Variants in GXYLT1 observed in about 807,000 individuals in gnomAD.
The protein encoded by GXYLT1 is glycosyltransferase 8 domain containing 3.
A neutral mutation model predicts 54.0 loss-of-function variants in GXYLT1; 29 were observed. That is an observed-to-expected ratio of 0.54 (90% CI 0.40 to 0.73). The LOEUF is 0.73. Ranked by LOEUF, GXYLT1 falls within the 30% of genes least tolerant of loss-of-function variation. The pLI is 0.00. For missense variants in GXYLT1, 490 were observed against 553.4 expected (o/e 0.89, Z 1.15); for synonymous variants, 176 against 204.1 (o/e 0.86, Z 1.17).
Position 42,144,578 on chromosome 12 carries a change from G to C in GXYLT1, c.69C>G (p.Phe23Leu), listed in dbSNP as rs1046838152. The C allele has an allele frequency of 4.1e-6, 6 of 1,473,002 alleles. No homozygotes were observed. The highest frequency in any genetic ancestry group is 5.4e-6 in the Non-Finnish European group (6 of 1,110,690). The allele number at this position is 1,473,002 out of a possible 1,614,324, so 91.2% of individuals were successfully genotyped here. A position where few individuals can be genotyped will look rare whatever the true frequency, so the allele number is the denominator to read the frequency against. ...CTTCCAGGGACACGGCGAGCTGGCTGAAAGCGTAAAGGAGCGAGCAGAAGC... is the reference window on the plus strand; with the variant it reads ...CTTCCAGGGACACGGCGAGCTGGCTCAAAGCGTAAAGGAGCGAGCAGAAGC... ...ACGFCSLLYA[F>L]SQLAVSLEEG... The change falls in exon 1 of 8, where the codon TTC becomes TTG. Residue 23 changes from phenylalanine (F) to leucine (L), a missense_variant. Physicochemically the swap from Phe to Leu is conservative, Grantham distance 22. This residue lies in a region of GXYLT1 where 148 missense variants were observed against 210.7 expected (regional missense o/e 0.70). Coordinates refer to ENST00000398675, the MANE Select transcript of GXYLT1 (RefSeq NM_173601.2).
chr12:42,114,042 T>C (rs2065476570), intron 3 of GXYLT1, among the ~76,000 whole-genome samples: 2 of 152,064 alleles, frequency 1.3e-5, no homozygotes, highest in Non-Finnish European at 2.9e-5. Flanking sequence ...AGGTAAATAA[T>C]GAAATGAAGG....
intron 5 of GXYLT1, among the ~76,000 whole-genome samples, chr12:42,099,570 A>G (rs1409077874): frequency 1.3e-5 from 2 of 152,152 alleles, no homozygotes; most frequent in Non-Finnish European, 2.9e-5. Context: ...AATAGTTATG[A>G]TGTCAGGCAC....
At chr12:42,141,528 A>C (rs1188673658) in intron 1 of GXYLT1, among the ~76,000 whole-genome samples, 1 of 151,856 alleles carries the variant, frequency 6.6e-6, no homozygotes, top group East Asian at 1.9e-4. Context: ...AAGACAGTAG[A>C]TCTTTAGTGC....
chr12:42,126,008 C>A (rs1282860257), intron 2 of GXYLT1, among the ~76,000 whole-genome samples: 2 of 151,202 alleles, frequency 1.3e-5, no homozygotes, highest in Non-Finnish European at 2.9e-5. Flanking sequence ...GCCTGGGCGA[C>A]AAAGTGAGAC....
rs527257588 is a variant in GXYLT1, at chr12:42,100,056, G to C, written c.865-2023C>G. ...TGCTTTTTCAGATACTGAATGTAAT[G>C]CTTTTTTCTTAATGCTCAAAACTTG... On this transcript the variant is annotated intron_variant, in intron 5 of 7. Coordinates refer to ENST00000398675, the MANE Select transcript of GXYLT1 (RefSeq NM_173601.2). 4.3e-4 allele frequency among the ~76,000 whole-genome samples: 65 copies of C among 152,174 alleles called. No homozygotes were observed. In the South Asian group the frequency reaches 8.1e-3, roughly 19 times the overall value.
intron 3 of GXYLT1, among the ~76,000 whole-genome samples, chr12:42,115,112 G>T (rs1211455739): frequency 6.6e-6 from 1 of 152,118 alleles, no homozygotes; most frequent in East Asian, 1.9e-4. Flanking sequence ...AATAAATTAG[G>T]TATTGATGGG....
intron 5 of GXYLT1, among the ~76,000 whole-genome samples, chr12:42,101,128 T>C (rs2065387392): frequency 1.3e-5 from 2 of 152,212 alleles, no homozygotes; most frequent in Admixed American, 1.3e-4. Flanking sequence ...GCTAATGATA[T>C]AACCTAGATT....
At chr12:42,102,943 ATTTT>A (rs1237519943) in intron 5 of GXYLT1, among the ~76,000 whole-genome samples, 1 of 151,850 alleles carries the variant, frequency 6.6e-6, no homozygotes, top group Non-Finnish European at 1.5e-5. Context: ...TTGAATTTAA[ATTTT>A]TTAATTTTTT....
intron 2 of GXYLT1, among the ~76,000 whole-genome samples, chr12:42,122,279 T>C (rs537490881): frequency 2.0e-4 from 30 of 152,268 alleles, no homozygotes; most frequent in African/African-American, 6.7e-4. Context: ...TAATGAATGA[T>C]AGTGTATTAA....
rs1243032235 is a variant in GXYLT1 at position 42,097,793 on chromosome 12, A to C, written c.988+117T>G. The C allele has an allele frequency of 4.9e-6, 5 of 1,016,076 alleles. No homozygotes were observed. The African/African-American group carries it at 8.2e-5, about 17-fold the overall frequency. The allele number at this position is 1,016,076 out of a possible 1,614,324, so 62.9% of individuals were successfully genotyped here. ...CAAGAAAAGTTTTACTCCGTCTTAA[A>C]CATAAATAGCAATAATCATTAATAT... On this transcript the variant is annotated intron_variant, in intron 6 of 7. Transcript: ENST00000398675.
chr12:42,110,169 C>T (rs1314333106), intron 3 of GXYLT1, among the ~76,000 whole-genome samples: 1 of 152,174 alleles, frequency 6.6e-6, no homozygotes, highest in Non-Finnish European at 1.5e-5. Flanking sequence ...CTAAATATTT[C>T]TGAGAATATT....
At chr12:42,119,485 A>T (rs554529258) in intron 2 of GXYLT1, among the ~76,000 whole-genome samples, 10 of 152,232 alleles carry the variant, frequency 6.6e-5, no homozygotes, top group African/African-American at 2.4e-4. Flanking sequence ...GGAAGGAAAA[A>T]AAAAAGAAAG....
At chr12:42,122,772 T>A (rs117984700) in intron 2 of GXYLT1, among the ~76,000 whole-genome samples, 127 of 152,242 alleles carry the variant, frequency 8.3e-4, no homozygotes, top group South Asian at 4.4e-3. Flanking sequence ...AAATAATCAG[T>A]GGATGCTAAA....
chr12:42,132,778 T>C (rs897807382), intron 1 of GXYLT1, among the ~76,000 whole-genome samples: 1 of 151,874 alleles, frequency 6.6e-6, no homozygotes, highest in Admixed American at 6.6e-5. Flanking sequence ...GCAATGTTTT[T>C]GTTTTGTTTT....
At chr12:42,128,253 G>A (rs1309571135) in intron 2 of GXYLT1, among the ~76,000 whole-genome samples, 2 of 152,188 alleles carry the variant, frequency 1.3e-5, no homozygotes, top group South Asian at 4.1e-4. Flanking sequence ...GGTTTTAAAT[G>A]TGCCCATTAC....
chr12:42,107,784 C>T (rs1004198886), intron 4 of GXYLT1, among the ~76,000 whole-genome samples: 2 of 152,108 alleles, frequency 1.3e-5, no homozygotes, highest in Non-Finnish European at 2.9e-5. Context: ...TTTTTAATAG[C>T]AACATTCTAC....
At chr12:42,116,318 G>C (rs1407712221) in intron 3 of GXYLT1, among the ~76,000 whole-genome samples, 1 of 152,108 alleles carries the variant, frequency 6.6e-6, no homozygotes, top group African/African-American at 2.4e-5. Flanking sequence ...CACAGCAAAA[G>C]AAACTACCAT....
intron 1 of GXYLT1, among the ~76,000 whole-genome samples, chr12:42,130,942 ACT>A (rs1404968933): frequency 2.0e-5 from 3 of 151,854 alleles, no homozygotes; most frequent in African/African-American, 7.3e-5. Flanking sequence ...AGCAAAAGAG[ACT>A]CTGTCTCAAA....
At chr12:42,141,232 A>C (rs1482701960) in intron 1 of GXYLT1, among the ~76,000 whole-genome samples, 2 of 152,168 alleles carry the variant, frequency 1.3e-5, no homozygotes, top group African/African-American at 4.8e-5. Context: ...TTTGTATTTG[A>C]GATTAGAGAA....
Sources: allele counts gnomAD v4.1 joint callset (sites outside exome capture counted in the v4.1 genomes callset), GRCh38; gene constraint gnomAD v4.1.1; regional missense constraint gnomAD v4.1.1; transcripts MANE v1.5; gene names NCBI Gene and HGNC (gene_info 2026-07-23, HGNC 2026-07-21).